CIC: variants seen among roughly 807,000 people sequenced by gnomAD.
CIC encodes capicua transcriptional repressor, also known as protein capicua homolog.
In CIC, 18 loss-of-function variants were observed where a neutral mutation model predicts 115.7. The observed-to-expected ratio is 0.16, with a 90% CI of 0.11 to 0.23. CIC has a LOEUF of 0.23. CIC is among the 10% of genes least tolerant of loss of function. The pLI is 1.00. For missense variants in CIC, 2,000 were observed against 2,159.3 expected (o/e 0.93, Z 1.46); for synonymous variants, 1,076 against 923.0 (o/e 1.17, Z -3.01).
intron 2 of CIC, among the ~76,000 whole-genome samples, chr19:42,281,672 G>A (rs1413532505): frequency 6.6e-6 from 1 of 152,180 alleles, no homozygotes; most frequent in East Asian, 1.9e-4. Context: ...AACAATAGAA[G>A]CTAAGTATAG....
rs201439084 is a variant in CIC at position 42,290,992 on chromosome 19, C to T, written c.4951C>T (p.Pro1651Ser). ...KKSAAATSPA[P>S]HLVAGPLLGT... Reference sequence around the variant, plus strand: ...GTCGGCAGCAGCCACCTCACCAGCCCCACACTTGGTGGCTGGACCCCTGCT... The same window carrying T: ...GTCGGCAGCAGCCACCTCACCAGCCTCACACTTGGTGGCTGGACCCCTGCT... The change falls in exon 11 of 21, where the codon CCA becomes TCA. Residue 1651 changes from proline to serine, a missense_variant. Coordinates refer to ENST00000681038, the MANE Select transcript of CIC (RefSeq NM_001386298.1). 2.9e-4 allele frequency: 474 copies of T among 1,613,828 alleles called. 1 individual carries two copies. In the Middle Eastern group the frequency reaches 3.1e-3, roughly 11 times the overall value.
Position 42,290,412 on chromosome 19 carries a change from C to T in CIC, c.4371C>T (p.Thr1457=), listed in dbSNP as rs905764910. The change falls in exon 11 of 21, where the codon ACC becomes ACT. Residue 1457 remains threonine, a synonymous_variant. Coordinates refer to ENST00000681038, the MANE Select transcript of CIC (RefSeq NM_001386298.1). The part of the protein sequence containing the change: ...SPASSSASAA[T]SFSLGSGTFK... The stretch of plus-strand genomic sequence containing the variant: ...CTTCCTCCTCAGCCTCGGCAGCCAC[C>T]TCCTTCTCACTGGGCTCAGGAACCT... The T allele has an allele frequency of 8.7e-6, 14 of 1,613,984 alleles. No homozygotes were observed. The African/African-American group carries it at 9.3e-5, about 11-fold the overall frequency.
rs1238030432 is a variant in CIC at position 42,291,795 on chromosome 19, C to T, written c.5613+50C>T. On this transcript the variant is annotated intron_variant, in intron 12 of 20. Transcript: ENST00000681038. ...CTGCTGGATGTTGGCCCCTGTACCC[C>T]ATCATTTCTTTGTCTTTTTTTTCAG... is the stretch of plus-strand genomic sequence containing the variant. 5 of 1,601,578 alleles carry T rather than the reference C, an allele frequency of 3.1e-6. No homozygotes were observed. In the East Asian group the frequency reaches 6.7e-5, roughly 21 times the overall value.
In CIC at chr19:42,292,387, C is replaced by G; in HGVS notation, c.5823C>G (p.Tyr1941Ter). 6.2e-7 allele frequency: 1 copy of G among 1,612,770 alleles called. No homozygotes were observed. Among genetic ancestry groups the G allele is most frequent in the Non-Finnish European group, 8.5e-7 (1 of 1,179,806 alleles). Reference protein sequence around the residue: ...ASSQAGTVTSYGPTSSVALGF... With the variant: ...ASSQAGTVTS ...GCCAGGCTGGAACAGTCACCTCGTA[C>G]GGGCCCACGAGCTCTGTAGCTCTAG... Residue 1941 changes from tyrosine to a stop codon, truncating the protein, a stop_gained, in exon 14 of 21, where the codon TAC (tyrosine) becomes TAG (stop). Coordinates refer to ENST00000681038, the MANE Select transcript of CIC (RefSeq NM_001386298.1). LOFTEE classifies it high-confidence loss of function.
chr19:42,284,163 G>C (rs1198982193), intron 2 of CIC: 3 of 147,954 alleles, frequency 2.0e-5, no homozygotes, highest in Non-Finnish European at 4.5e-5. Context: ...TCGACCCGGC[G>C]CTGAGCCTCG....
Position 42,270,975 on chromosome 19 carries a change from C to T in CIC, c.-10-799C>T, listed in dbSNP as rs2036763663. Among the ~76,000 whole-genome samples, 1 of 151,020 alleles carries T rather than the reference C, an allele frequency of 6.6e-6. No individual in the cohort carries two copies. Among genetic ancestry groups the T allele is most frequent in the African/African-American group, 2.4e-5 (1 of 41,002 alleles). ...GGGGAGATGGCTGTACCTGGCAGCC[C>T]TAGGGTGCAGAGCAGAGTGGGCAGC... On this transcript the variant is annotated intron_variant, in intron 1 of 20. Transcript: ENST00000681038. The surrounding 1 kb of genome is among the most constrained non-coding windows in gnomAD (Gnocchi z 4.1).
intron 2 of CIC, 43 bp downstream of exon 2, chr19:42,274,620 AG>A (rs983248154): frequency 2.5e-6 from 1 of 398,514 alleles, no homozygotes; most frequent in African/African-American, 2.1e-5. Context: ...CTCACCTCGT[AG>A]AGGGCCTCTT....
Position 42,295,435 on chromosome 19 carries a change from G to A in CIC, c.*244G>A. The A allele has an allele frequency of 2.0e-6, 1 of 509,686 alleles. No homozygotes were observed. Among genetic ancestry groups the A allele is most frequent in the Non-Finnish European group, 3.5e-6 (1 of 286,594 alleles). 31.6% of individuals were successfully genotyped at this position (509,686 alleles called of 1,614,324 possible). A position where few individuals can be genotyped will look rare whatever the true frequency, so the allele number is the denominator to read the frequency against. On this transcript the variant is annotated 3_prime_UTR_variant, in exon 21 of 21. Transcript: ENST00000681038. ...AGCCCCTGTACATAACCTGGAGCGT[G>A]TGACCTTCAGAGCTTTTCACTTTAT...
rs2147338582 is a variant in CIC, at chr19:42,293,927, C to T, written c.6768-8C>T. On this transcript the variant is annotated splice_region_variant and splice_polypyrimidine_tract_variant and intron_variant, in intron 17 of 20. Transcript: ENST00000681038. The stretch of plus-strand genomic sequence containing the variant: ...GAGGCGGGGGAGGTGACCCTGCCGG[C>T]CCTCCAGCAGGGTCCTGTCAGAAGT... 3.1e-6 allele frequency: 5 copies of T among 1,612,774 alleles called. No individual in the cohort carries two copies. Among genetic ancestry groups the T allele is most frequent in the Non-Finnish European group, 4.2e-6 (5 of 1,179,942 alleles).
Position 42,270,758 on chromosome 19 carries a change from A to G in CIC, c.-10-1016A>G, listed in dbSNP as rs2036753999. Among the ~76,000 whole-genome samples the G allele has an allele frequency of 6.6e-6, 1 of 151,884 alleles. No individual in the cohort carries two copies. On this transcript the variant is annotated intron_variant, in intron 1 of 20. Transcript: ENST00000681038. The surrounding 1 kb of genome is among the most constrained non-coding windows in gnomAD (Gnocchi z 4.1). The stretch of plus-strand genomic sequence containing the variant: ...TCACGCTGGGTGCTGTGGGGGGAGG[A>G]GCAGGCTCCCATCCAGTGGGACAGA...
In CIC at chr19:42,294,548, G is replaced by A. The variant is rs769122726; in HGVS notation, c.7055-56G>A. 4 of 1,609,294 alleles carry A rather than the reference G, an allele frequency of 2.5e-6. No individual in the cohort carries two copies. In the African/African-American group the frequency reaches 5.3e-5, roughly 21 times the overall value. On this transcript the variant is annotated intron_variant, in intron 19 of 20. Transcript: ENST00000681038. The stretch of plus-strand genomic sequence containing the variant: ...GGGCTTGGGTGGGCACTCAGACGGT[G>A]GCAGGAAGGCCCTGCCGCTGCTGCA...
rs1248773658 is a variant in CIC at position 42,287,339 on chromosome 19, C to T, written c.3199C>T (p.Pro1067Ser). 7.4e-6 allele frequency: 12 copies of T among 1,614,170 alleles called. No individual in the cohort carries two copies. The highest frequency in any genetic ancestry group is 1.0e-5 in the Non-Finnish European group (12 of 1,180,034). Residue 1067 changes from proline (P) to serine (S), a missense_variant, in exon 5 of 21, where the codon CCT (proline) becomes TCT (serine). By Grantham distance (74) the Pro-to-Ser change is moderately conservative. Transcript: ENST00000681038. The surrounding 1 kb of genome is among the most constrained non-coding windows in gnomAD (Gnocchi z 8.7). ...HDDAFLSIMS[P>S]EIQLPLPPGK... is the part of the protein sequence containing the mutation. ...CCGCAGCTTCCTCTCCATCATGTCTCCTGAGATCCAGTTGCCTCTACCGCC... is the reference window on the plus strand; with the variant it reads ...CCGCAGCTTCCTCTCCATCATGTCTTCTGAGATCCAGTTGCCTCTACCGCC...
chr19:42,295,143 G>GGGGCCCCCCCC lies in CIC; in HGVS notation c.7506_7507insGGGCCCCCCCC (p.Pro2503GlyfsTer30). 4.3e-5 allele frequency: 60 copies of GGGGCCCCCCCC among 1,382,568 alleles called. No individual in the cohort carries two copies. Among genetic ancestry groups the GGGGCCCCCCCC allele is most frequent in the Non-Finnish European group, 5.4e-5 (56 of 1,037,688 alleles). The allele number at this position is 1,382,568 out of a possible 1,614,324, so 85.6% of individuals were successfully genotyped here. On this transcript the variant is annotated frameshift_variant, in exon 21 of 21. Transcript: ENST00000681038. LOFTEE classifies it high-confidence loss of function. ...AGCCTGGCTGGGAGGGGGCTCCCCAGCCCTCCCCCCCACCCCCAGGTCCCT... is the reference window on the plus strand; with the variant it reads ...AGCCTGGCTGGGAGGGGGCTCCCCAGGGGCCCCCCCCCCCTCCCCCCCACCCCCAGGTCCCT...
chr19:42,272,386 G>T lies in CIC; in HGVS notation c.603G>T (p.Gln201His). 1 of 398,560 alleles carries T rather than the reference G, an allele frequency of 2.5e-6. No homozygotes were observed. The highest frequency in any genetic ancestry group is 4.4e-6 in the Non-Finnish European group (1 of 225,992). The allele number at this position is 398,560 out of a possible 1,614,324, so 24.7% of individuals were successfully genotyped here. A position where few individuals can be genotyped will look rare whatever the true frequency, so the allele number is the denominator to read the frequency against. The change falls in exon 2 of 21, where the codon CAG (glutamine) becomes CAT (histidine). Residue 201 changes from glutamine (Q) to histidine (H), a missense_variant. Coordinates refer to ENST00000681038, the MANE Select transcript of CIC (RefSeq NM_001386298.1). ...CCAGTGGCAGCTATGACCTGCGGCA[G>T]CTGCGGTCCCAGCGGGTGCTGGCTC... is the stretch of plus-strand genomic sequence containing the variant. ...GSTSGSYDLR[Q>H]LRSQRVLARR...
intron 2 of CIC, among the ~76,000 whole-genome samples, chr19:42,283,684 G>A (rs1216315759): frequency 6.6e-6 from 1 of 151,994 alleles, no homozygotes; most frequent in African/African-American, 2.4e-5. Flanking sequence ...CCGCGCGTGA[G>A]CGTGTTCCTC....
At chr19:42,294,564 C>A in intron 19 of CIC, 40 bp from the exon 20 acceptor site, 1 of 1,611,354 alleles carries the variant, frequency 6.2e-7, no homozygotes, top group Non-Finnish European at 8.5e-7. Flanking sequence ...AAGGCCCTGC[C>A]GCTGCTGCAG....
chr19:42,290,049 C>T, intron 10 of CIC, 98 bp downstream of exon 10: 1 of 1,394,504 alleles, frequency 7.2e-7, no homozygotes, highest in South Asian at 1.2e-5. Context: ...GATTAAGGTC[C>T]AGAGAGGGCA....
chr19:42,293,488 T>C (rs1370875207), intron 16 of CIC, 104 bp from the exon 17 acceptor site: 3 of 1,579,068 alleles, frequency 1.9e-6, no homozygotes, highest in Non-Finnish European at 2.6e-6. Context: ...GACAGCCTTC[T>C]CAAGGGGTCT....
At chr19:42,288,436 T>C (rs1004446625) in intron 7 of CIC, among the ~76,000 whole-genome samples, 7 of 152,260 alleles carry the variant, frequency 4.6e-5, no homozygotes, top group South Asian at 4.1e-4. Flanking sequence ...CTTCCACTTA[T>C]TGAGGTTGTC....
Sources: gnomAD v4.1 joint callset for allele counts (sites outside exome capture counted in the v4.1 genomes callset) on GRCh38, gnomAD v4.1.1 for gene constraint, Gnocchi (gnomAD v3.1) non-coding constraint, MANE v1.5 for transcripts, NCBI Gene and HGNC (gene_info 2026-07-23, HGNC 2026-07-21) for gene names.